The following NAV3 variants were observed in gnomAD, a reference collection of about 807,000 sequenced individuals.
The protein encoded by NAV3 is pore membrane and/or filament interacting like protein 1.
A neutral mutation model predicts 244.7 loss-of-function variants in NAV3; 87 were observed. The observed-to-expected ratio is 0.36, with a 90% CI of 0.30 to 0.42. The LOEUF (loss-of-function observed/expected upper bound fraction) is 0.42, where lower values mean the gene tolerates loss of function less well. Among genes scored for constraint, NAV3 ranks in the 20% least tolerant of loss-of-function variants. The pLI is 1.00. For synonymous variants in NAV3, 1,126 were observed against 1,042.2 expected (o/e 1.08, Z -1.55); for missense variants, 2,663 against 2,893.3 (o/e 0.92, Z 1.83).
chr12:77,588,467 C>T (rs931078494), intron 2 of NAV3, among the ~76,000 whole-genome samples: 6 of 152,058 alleles, frequency 3.9e-5, no homozygotes, highest in African/African-American at 1.4e-4. Flanking sequence ...AGGAATAACC[C>T]CGTGGGGCAC....
chr12:78,148,246 A>T (rs1342955126), intron 21 of NAV3, among the ~76,000 whole-genome samples: 2 of 152,172 alleles, frequency 1.3e-5, no homozygotes, highest in East Asian at 1.9e-4. Context: ...GATAATACAG[A>T]TTTGGGAAGG....
intron 21 of NAV3, 73 bp downstream of exon 21, chr12:78,146,465 C>A: frequency 3.4e-6 from 2 of 580,236 alleles, no homozygotes; most frequent in South Asian, 4.7e-5. Context: ...AGTCTTGTGA[C>A]CACTAGAGGG....
rs140358496 is a variant in NAV3, at chr12:77,885,318, T to C, written c.243+53614T>C. The stretch of plus-strand genomic sequence containing the variant: ...AATTATATGAATTATTAATCTGAAG[T>C]CTAAGGAAGCTAAATAGCTTGCCAA... On this transcript the variant is annotated intron_variant, in intron 1 of 39. Coordinates refer to ENST00000397909, the MANE Select transcript of NAV3 (RefSeq NM_001024383.2). Among the ~76,000 whole-genome samples the C allele has an allele frequency of 4.4e-3, 673 of 152,264 alleles. 5 individuals carry two copies. The highest frequency in any genetic ancestry group is 0.02 in the Middle Eastern group (6 of 294).
At chr12:77,927,284 A>T (rs1565928118) in intron 1 of NAV3, among the ~76,000 whole-genome samples, 4 of 152,236 alleles carry the variant, frequency 2.6e-5, no homozygotes, top group African/African-American at 9.6e-5. Context: ...ATGTTGCAGC[A>T]GTCAAATAAA....
chr12:77,841,834 A>G (rs997998308), intron 1 of NAV3, among the ~76,000 whole-genome samples: 7 of 152,312 alleles, frequency 4.6e-5, no homozygotes, highest in Non-Finnish European at 1.0e-4. Flanking sequence ...GCCAGCCATC[A>G]GTGAAAGAGA....
chr12:78,166,987 G>A (rs947301069), intron 23 of NAV3, among the ~76,000 whole-genome samples: 10 of 151,608 alleles, frequency 6.6e-5, no homozygotes, highest in East Asian at 1.9e-4. Context: ...TAGTATTTAC[G>A]TTGTATAATT....
At chr12:77,922,996 A>G (rs1418137120) in intron 1 of NAV3, among the ~76,000 whole-genome samples, 4 of 151,806 alleles carry the variant, frequency 2.6e-5, no homozygotes, top group African/African-American at 4.8e-5. Flanking sequence ...TTTTTGCATC[A>G]TATTTTTCAT....
At chr12:78,052,999 G>A (rs542417306) in intron 11 of NAV3, among the ~76,000 whole-genome samples, 9 of 151,932 alleles carry the variant, frequency 5.9e-5, no homozygotes, top group African/African-American at 2.2e-4. Context: ...CAGATGGATC[G>A]CCTGAGGTCA....
chr12:77,992,195 A>G (rs1353927309), intron 5 of NAV3, among the ~76,000 whole-genome samples: 1 of 152,180 alleles, frequency 6.6e-6, no homozygotes, highest in Non-Finnish European at 1.5e-5. Context: ...GCCTAGATAC[A>G]TTCATTTCAA....
chr12:77,645,557 A>AAAAC, intron 2 of NAV3, among the ~76,000 whole-genome samples: 1 of 151,480 alleles, frequency 6.6e-6, no homozygotes, highest in African/African-American at 2.4e-5. Flanking sequence ...AAAAAAAAAA[A>AAAAC]AAACTTTCAA....
intron 1 of NAV3, among the ~76,000 whole-genome samples, chr12:77,888,628 G>C (rs1000046647): frequency 6.6e-6 from 1 of 152,080 alleles, no homozygotes. Flanking sequence ...CAAATGTTAT[G>C]TCCCAAGTAA....
intron 5 of NAV3, among the ~76,000 whole-genome samples, chr12:77,988,331 TG>T (rs1310906225): frequency 6.6e-6 from 1 of 152,170 alleles, no homozygotes; most frequent in Non-Finnish European, 1.5e-5. Flanking sequence ...GATTCGGCCC[TG>T]TTTACCTTAA....
chr12:77,874,408 G>A (rs1324804396), intron 1 of NAV3, among the ~76,000 whole-genome samples: 2 of 151,680 alleles, frequency 1.3e-5, no homozygotes, highest in Non-Finnish European at 2.9e-5. Flanking sequence ...TTTTTATAGA[G>A]ATGTGTTGCC....
chr12:78,002,110 C>T (rs1413163728), intron 7 of NAV3, among the ~76,000 whole-genome samples: 2 of 152,040 alleles, frequency 1.3e-5, no homozygotes, highest in Non-Finnish European at 2.9e-5. Flanking sequence ...AGAAATCATT[C>T]TTTTGTTTTA....
rs1454388447 is a variant in NAV3, at chr12:77,763,664, AAGGAAATATT to A, written c.73-176653_73-176644del. On this transcript the variant is annotated intron_variant, in intron 2 of 8. Coordinates refer to the NAV3 transcript ENST00000550042. The stretch of plus-strand genomic sequence containing the variant: ...CAGCCTAATTTTGTGTAGTTCTCTG[AAGGAAATATT>A]ACACTGCCCTGTGGGAGGGACCCCT... Among the ~76,000 whole-genome samples the A allele has an allele frequency of 4.0e-5, 6 of 151,858 alleles. No individual in the cohort carries two copies. In the East Asian group the frequency reaches 1.2e-3, roughly 29 times the overall value.
intron 2 of NAV3, among the ~76,000 whole-genome samples, chr12:77,652,095 A>G (rs531162430): frequency 1.3e-5 from 2 of 152,346 alleles, no homozygotes; most frequent in South Asian, 4.1e-4. Flanking sequence ...CCTTACCTAT[A>G]AAATTGTAAT....
At chr12:77,792,185 A>G (rs970465109) in intron 2 of NAV3, among the ~76,000 whole-genome samples, 2 of 152,172 alleles carry the variant, frequency 1.3e-5, no homozygotes, top group Non-Finnish European at 2.9e-5. Context: ...TTTAAAAAGC[A>G]TTTCACTCTG....
chr12:78,059,238 T>A, intron 12 of NAV3, 123 bp downstream of exon 12: 1 of 896,804 alleles, frequency 1.1e-6, no homozygotes, highest in Non-Finnish European at 1.6e-6. Flanking sequence ...TAAATAATTA[T>A]TTTATTTTGA....
intron 39 of NAV3, among the ~76,000 whole-genome samples, chr12:78,206,797 C>A (rs1960360183): frequency 1.3e-5 from 2 of 151,408 alleles, no homozygotes; most frequent in Middle Eastern, 3.4e-3. Context: ...AAATATTTGG[C>A]AGGCTTTCTC....
Sources: gnomAD v4.1 joint callset for allele counts (sites outside exome capture counted in the v4.1 genomes callset) on GRCh38, gnomAD v4.1.1 for gene constraint, MANE v1.5 for transcripts, NCBI Gene and HGNC (gene_info 2026-07-23, HGNC 2026-07-21) for gene names.